Variants in YIPF7 observed in about 807,000 individuals in gnomAD.
YIPF7 encodes protein YIPF7.
In YIPF7, 35 loss-of-function variants were observed where a neutral mutation model predicts 27.2. The observed-to-expected ratio is 1.29, with a 90% CI of 0.98 to 1.70. The LOEUF (loss-of-function observed/expected upper bound fraction) is 1.70, where lower values mean the gene tolerates loss of function less well. YIPF7 is among the 40% of genes most tolerant of loss of function. The probability of loss-of-function intolerance (pLI) is 0.00; values close to 1 mark genes in which losing one functional copy is unlikely to be tolerated. For missense variants in YIPF7, 358 were observed against 303.7 expected, an observed-to-expected ratio of 1.18 and a Z score of -1.33; for synonymous variants, 137 against 110.4, an observed-to-expected ratio of 1.24 and a Z score of -1.51.
intron 1 of YIPF7, among the ~76,000 whole-genome samples, chr4:44,651,159 G>C (rs1183619718): frequency 6.6e-6 from 1 of 152,050 alleles, no homozygotes; most frequent in Non-Finnish European, 1.5e-5. Flanking sequence ...TCAAGTAACA[G>C]TTGTCAAATA....
chr4:44,656,274 A>G (rs1265459403), upstream of YIPF7, among the ~76,000 whole-genome samples: 1 of 152,038 alleles, frequency 6.6e-6, no homozygotes, highest in Non-Finnish European at 1.5e-5. Context: ...GATGTAATTA[A>G]TTTTCATAGG....
chr4:44,629,680 T>G (rs1486305885), intron 3 of YIPF7, 132 bp from the exon 4 acceptor site: 6 of 616,794 alleles, frequency 9.7e-6, no homozygotes, highest in African/African-American at 1.9e-5. Flanking sequence ...TATCATACCT[T>G]CTAAAGTTCT....
intron 1 of YIPF7, among the ~76,000 whole-genome samples, chr4:44,650,922 T>C (rs1057305495): frequency 1.3e-5 from 2 of 152,136 alleles, no homozygotes; most frequent in African/African-American, 2.4e-5. Flanking sequence ...GGATAAAAAG[T>C]AGAGAATAGA....
upstream of YIPF7, among the ~76,000 whole-genome samples, chr4:44,654,119 A>T (rs1398315143): frequency 6.6e-6 from 1 of 152,068 alleles, no homozygotes; most frequent in Non-Finnish European, 1.5e-5. Flanking sequence ...GCATTAATGG[A>T]CCATTAATGC....
intron 2 of YIPF7, among the ~76,000 whole-genome samples, chr4:44,659,679 T>G (rs987978430): frequency 1.3e-5 from 2 of 152,174 alleles, no homozygotes; most frequent in African/African-American, 4.8e-5. Flanking sequence ...ATATAAAGTT[T>G]ATTTTAGTAT....
chr4:44,628,280 C>T (rs1712743981), intron 4 of YIPF7, among the ~76,000 whole-genome samples: 1 of 152,062 alleles, frequency 6.6e-6, no homozygotes, highest in South Asian at 2.1e-4. Context: ...ATGAATATGA[C>T]ATTATTGGCC....
chr4:44,630,382 T>A (rs10938360), intron 3 of YIPF7, among the ~76,000 whole-genome samples: 1 of 152,176 alleles, frequency 6.6e-6, no homozygotes, highest in Admixed American at 6.5e-5. Context: ...CAAGTCTGGG[T>A]TTTTACTTCC....
chr4:44,651,500 C>A, intron 1 of YIPF7, 54 bp downstream of exon 1: 2 of 1,300,894 alleles, frequency 1.5e-6, no homozygotes, highest in South Asian at 1.5e-5. Context: ...CTTACATAAC[C>A]GAGCTTTGTA....
chr4:44,631,106 G>A (rs1712879985), intron 3 of YIPF7, among the ~76,000 whole-genome samples: 2 of 152,216 alleles, frequency 1.3e-5, no homozygotes, highest in South Asian at 2.1e-4. Flanking sequence ...AGATATATAA[G>A]GCTTTGACAG....
chr4:44,642,079 A>C, intron 2 of YIPF7, among the ~76,000 whole-genome samples: 1 of 152,182 alleles, frequency 6.6e-6, no homozygotes, highest in African/African-American at 2.4e-5. Context: ...TCATTGCCAT[A>C]CTTGTCTGGC....
chr4:44,632,043 G>A (rs1712919627), intron 3 of YIPF7, among the ~76,000 whole-genome samples: 1 of 152,004 alleles, frequency 6.6e-6, no homozygotes, highest in Admixed American at 6.5e-5. Context: ...ACTAACTCCT[G>A]CTCATATTTT....
At chr4:44,632,660 G>A (rs920340351) in intron 3 of YIPF7, among the ~76,000 whole-genome samples, 5 of 152,100 alleles carry the variant, frequency 3.3e-5, no homozygotes, top group African/African-American at 1.2e-4. Context: ...CTGTTGGATT[G>A]TCAATAAAAA....
chr4:44,638,118 T>C (rs112575384), intron 2 of YIPF7, among the ~76,000 whole-genome samples: 439 of 151,530 alleles, frequency 2.9e-3, no homozygotes, highest in African/African-American at 9.9e-3. Flanking sequence ...ATCAGGGAAA[T>C]GCAAATCAAA....
chr4:44,624,098 T>A (rs189269249), intron 5 of YIPF7, among the ~76,000 whole-genome samples: 219 of 150,644 alleles, frequency 1.5e-3, no homozygotes, highest in African/African-American at 5.2e-3. Context: ...GGAGTTTCAC[T>A]CTTGTTGCCC....
In YIPF7 at chr4:44,635,061, G is replaced by A. The variant is rs182902753; in HGVS notation, c.280+861C>T. 3.4e-3 allele frequency among the ~76,000 whole-genome samples: 522 copies of A among 152,264 alleles called. 3 individuals carry two copies. The highest frequency in any genetic ancestry group is 7.8e-3 in the Admixed American group (120 of 15,298). ...GAAGAATGTGGCTGGTTGTGTTCAT[G>A]TGAGGCAAACACCTTTACATCTTGT... is the stretch of plus-strand genomic sequence containing the variant. On this transcript the variant is annotated intron_variant, in intron 3 of 5. Transcript: ENST00000415895.
chr4:44,656,262 T>C (rs1713897680), upstream of YIPF7, among the ~76,000 whole-genome samples: 1 of 152,030 alleles, frequency 6.6e-6, no homozygotes, highest in African/African-American at 2.4e-5. Context: ...ATTTAGCAAA[T>C]TGATGTAATT....
rs752318273 is a variant in YIPF7, at chr4:44,622,432, G to A, written c.753C>T (p.Ala251=). ...ACATTCTTTAGAAAATTGTTAGGAG[G>A]GCAAAAAGTCCATAAAGTATGGCAC... ...YPCAILYGLF[A]LLTIF The change falls in exon 6 of 6, where the codon GCC becomes GCT. Residue 251 remains alanine, a synonymous_variant. Transcript: ENST00000415895. 1 of 1,612,964 alleles carries A rather than the reference G, an allele frequency of 6.2e-7. No homozygotes were observed. Among genetic ancestry groups the A allele is most frequent in the Non-Finnish European group, 8.5e-7 (1 of 1,179,488 alleles).
chr4:44,632,970 G>T (rs1712967851), intron 3 of YIPF7, among the ~76,000 whole-genome samples: 1 of 148,094 alleles, frequency 6.8e-6, no homozygotes. Flanking sequence ...GAGGTGAGCA[G>T]TGGGCAGTGG....
At chr4:44,655,996 T>G (rs556246979), upstream of YIPF7, among the ~76,000 whole-genome samples, 44 of 152,214 alleles carry the variant, frequency 2.9e-4, no homozygotes, top group African/African-American at 9.6e-4. Flanking sequence ...TGACTTTTAA[T>G]TTGGCTATTT....
Sources: gnomAD v4.1 joint callset for allele counts (sites outside exome capture counted in the v4.1 genomes callset) on GRCh38, gnomAD v4.1.1 for gene constraint, MANE v1.5 for transcripts, NCBI Gene and HGNC (gene_info 2026-07-23, HGNC 2026-07-21) for gene names.